The following RNF149 variants were observed in gnomAD, a reference collection of about 807,000 sequenced individuals.
The protein encoded by RNF149 is E3 ubiquitin-protein ligase RNF149.
RNF149 carries 21 observed loss-of-function variants against 39.0 expected under a neutral mutation model. The ratio of observed to expected loss-of-function variants is 0.54; its 90% confidence interval spans 0.38 to 0.77. The LOEUF is 0.77. Among genes scored for constraint, RNF149 ranks in the 30% least tolerant of loss-of-function variants. The pLI is 0.00. For synonymous variants in RNF149, 209 were observed against 213.6 expected, an observed-to-expected ratio of 0.98 and a Z score of 0.19; for missense variants, 493 against 534.9, an observed-to-expected ratio of 0.92 and a Z score of 0.77.
intron 3 of RNF149, among the ~76,000 whole-genome samples, chr2:101,292,898 C>T (rs1394614611): frequency 1.3e-5 from 2 of 151,710 alleles, no homozygotes; most frequent in African/African-American, 2.4e-5. Context: ...CAGGGATTAA[C>T]TGGAAACTCT....
chr2:101,302,605 C>G (rs1683497463), intron 1 of RNF149, among the ~76,000 whole-genome samples: 1 of 152,172 alleles, frequency 6.6e-6, no homozygotes, highest in African/African-American at 2.4e-5. Context: ...CTCAGACCTT[C>G]TGCCACTCAG....
rs987333305 is a variant in RNF149, at chr2:101,308,067, G to T, written c.460+62C>A. 4.8e-5 allele frequency: 76 copies of T among 1,568,854 alleles called. 1 individual carries two copies. The highest frequency in any genetic ancestry group is 4.8e-4 in the South Asian group (41 of 86,082). ...CGGCCTGCGGTTCAGGGCCAACCCT[G>T]AAGACCCCAGCCTCGGCTGCCGCGA... On this transcript the variant is annotated intron_variant, in intron 1 of 6. Transcript: ENST00000295317.
At chr2:101,298,021 C>T (rs1446585166) in intron 1 of RNF149, among the ~76,000 whole-genome samples, 4 of 152,344 alleles carry the variant, frequency 2.6e-5, no homozygotes, top group African/African-American at 9.6e-5. Flanking sequence ...AATTATTACA[C>T]TCTTCTACGA....
At chr2:101,283,739 C>A (rs1682681184) in intron 5 of RNF149, among the ~76,000 whole-genome samples, 2 of 152,166 alleles carry the variant, frequency 1.3e-5, no homozygotes, top group Non-Finnish European at 2.9e-5. Flanking sequence ...GAAAGCAACT[C>A]AACCTTATGT....
chr2:101,275,232 C>G (rs1311263626), downstream of RNF149, among the ~76,000 whole-genome samples: 1 of 149,310 alleles, frequency 6.7e-6, no homozygotes, highest in Non-Finnish European at 1.5e-5. Context: ...ATTCTCCTGC[C>G]TCAGCCTCCT....
rs550286296 is a variant in RNF149, at chr2:101,303,538, T to C, written c.460+4591A>G. On this transcript the variant is annotated intron_variant, in intron 1 of 6. Transcript: ENST00000295317. The stretch of plus-strand genomic sequence containing the variant: ...TCATAAAAGACTATTTAACCTGCTC[T>C]GCAAATACAAACTGCACACCCCTCT... 2.6e-5 allele frequency among the ~76,000 whole-genome samples: 4 copies of C among 152,332 alleles called. No individual in the cohort carries two copies. The South Asian group carries it at 8.3e-4, about 32-fold the overall frequency.
Position 101,304,773 on chromosome 2 carries a change from C to G in RNF149, c.460+3356G>C, listed in dbSNP as rs991460596. 4.6e-5 allele frequency among the ~76,000 whole-genome samples: 7 copies of G among 151,022 alleles called. No homozygotes were observed. In the South Asian group the frequency reaches 1.2e-3, roughly 27 times the overall value. The stretch of plus-strand genomic sequence containing the variant: ...ATCTTGTACTGGATTCTAGTAGAGA[C>G]GAGCAATAGGTTTCAGAAAAACTGG... On this transcript the variant is annotated intron_variant, in intron 1 of 6. Coordinates refer to ENST00000295317, the MANE Select transcript of RNF149 (RefSeq NM_173647.4).
At chr2:101,282,905 C>G (rs112153483) in intron 5 of RNF149, among the ~76,000 whole-genome samples, 1 of 152,082 alleles carries the variant, frequency 6.6e-6, no homozygotes, top group Non-Finnish European at 1.5e-5. Flanking sequence ...TCACCAGTAA[C>G]GTAACGCCCT....
intron 4 of RNF149, chr2:101,286,426 A>G (rs1478683982): frequency 9.8e-6 from 3 of 305,592 alleles, no homozygotes; most frequent in South Asian, 9.9e-5. Context: ...TAGGTTGTAC[A>G]TTTTTATGTG....
intron 1 of RNF149, among the ~76,000 whole-genome samples, chr2:101,301,683 CTGTT>C (rs376849829): frequency 1.4e-5 from 2 of 147,442 alleles, no homozygotes; most frequent in African/African-American, 5.2e-5. Context: ...GTGTTTACTT[CTGTT>C]TTTTTGTTTG....
intron 3 of RNF149, among the ~76,000 whole-genome samples, chr2:101,289,313 A>AT (rs747363127): frequency 6.6e-6 from 1 of 152,228 alleles, no homozygotes; most frequent in Non-Finnish European, 1.5e-5. Context: ...TTCACATGTA[A>AT]TTACTGTATT....
At position 101,294,071 on chromosome 2, in the gene RNF149, T is replaced by C; in HGVS notation, c.723A>G (p.Lys241=). The change falls in exon 3 of 7, where the codon AAA becomes AAG. Residue 241 remains lysine (K), a synonymous_variant. Coordinates refer to ENST00000295317, the MANE Select transcript of RNF149 (RefSeq NM_173647.4). ...GCTGGCCAATAACTTTCTTAGTTTCTTTTCTATGGCTCTTGGGTAGGAAAA... is the reference window on the plus strand; with the variant it reads ...GCTGGCCAATAACTTTCTTAGTTTCCTTTCTATGGCTCTTGGGTAGGAAAA... The part of the protein sequence containing the change: ...GSQIGSQSHR[K]ETKKVIGQLL... The C allele has an allele frequency of 1.3e-6, 2 of 1,555,634 alleles. No individual in the cohort carries two copies. The highest frequency in any genetic ancestry group is 2.2e-5 in the South Asian group (2 of 89,250).
chr2:101,273,223 A>G (rs1682202646), downstream of RNF149: 1 of 889,058 alleles, frequency 1.1e-6, no homozygotes, highest in South Asian at 1.4e-5. Flanking sequence ...CCGAGGAAAC[A>G]GGACAGCAGG....
chr2:101,296,060 G>C (rs1022559423), intron 1 of RNF149, among the ~76,000 whole-genome samples: 3 of 152,162 alleles, frequency 2.0e-5, no homozygotes, highest in East Asian at 3.8e-4. Context: ...CAAGGCTGCA[G>C]TGAGCTGAGA....
rs1683770503 is a variant in RNF149, at chr2:101,308,427, C to G, written c.162G>C (p.Thr54=). The change falls in exon 1 of 7, where the codon ACG becomes ACC. Residue 54 remains threonine, a synonymous_variant. Transcript: ENST00000295317. ...IEYVDPQTNL[T]VWSVSESGRF... ...GGCCACTCTCCGAGACGCTCCACAC[C>G]GTCAGGTTGGTCTGCGGGTCCACGT... 6.2e-7 allele frequency: 1 copy of G among 1,611,524 alleles called. No individual in the cohort carries two copies. Among genetic ancestry groups the G allele is most frequent in the African/African-American group, 1.3e-5 (1 of 74,642 alleles).
intron 1 of RNF149, among the ~76,000 whole-genome samples, chr2:101,300,945 C>T (rs751310421): frequency 3.2e-4 from 48 of 152,306 alleles, no homozygotes; most frequent in South Asian, 1.4e-3. Context: ...CCTCTCTGGC[C>T]AATGCTAATG....
At chr2:101,306,838 C>T (rs1447303978) in intron 1 of RNF149, among the ~76,000 whole-genome samples, 6 of 152,206 alleles carry the variant, frequency 3.9e-5, no homozygotes, top group Non-Finnish European at 7.3e-5. Context: ...TCTGTCCTCA[C>T]TTCACTGTTA....
At chr2:101,281,744 G>T in intron 6 of RNF149, 115 bp downstream of exon 6, 2 of 1,294,666 alleles carry the variant, frequency 1.5e-6, no homozygotes, top group Non-Finnish European at 2.2e-6. Flanking sequence ...CTTACTCTTC[G>T]ATAGCTCAAA....
chr2:101,300,631 T>C (rs1401838336), intron 1 of RNF149, among the ~76,000 whole-genome samples: 1 of 152,164 alleles, frequency 6.6e-6, no homozygotes, highest in Non-Finnish European at 1.5e-5. Flanking sequence ...CTGGGCAATA[T>C]GGCAAAACCC....
Sources: gnomAD v4.1 joint callset for allele counts (sites outside exome capture counted in the v4.1 genomes callset) on GRCh38, gnomAD v4.1.1 for gene constraint, MANE v1.5 for transcripts, NCBI Gene and HGNC (gene_info 2026-07-23, HGNC 2026-07-21) for gene names.